RGS6: variants seen among roughly 807,000 people sequenced by gnomAD.
RGS6 encodes regulator of G protein signaling 6.
A neutral mutation model predicts 78.5 loss-of-function variants in RGS6; 30 were observed. The observed-to-expected ratio is 0.38, with a 90% CI of 0.29 to 0.52. RGS6 has a LOEUF of 0.52. Ranked by LOEUF, RGS6 falls within the 20% of genes least tolerant of loss-of-function variation. The pLI, the probability that RGS6 is intolerant of heterozygous loss-of-function variation, is 0.85. For synonymous variants in RGS6, 206 were observed against 206.0 expected (o/e 1.00, Z 0.00); for missense variants, 495 against 609.7 (o/e 0.81, Z 1.98).
Position 72,562,698 on chromosome 14 carries a change from C to T in RGS6, c.*231C>T. On this transcript the variant is annotated 3_prime_UTR_variant, in exon 18 of 18. Coordinates refer to ENST00000553525, the MANE Select transcript of RGS6 (RefSeq NM_001204424.2). The stretch of plus-strand genomic sequence containing the variant: ...CCGGTGGAGGCTCCTGTTTACAGCC[C>T]TCTCTTCTTTGTACAGTTGTATTCC... 1 of 1,536,174 alleles carries T rather than the reference C, an allele frequency of 6.5e-7. No individual in the cohort carries two copies. Among genetic ancestry groups the T allele is most frequent in the Non-Finnish European group, 8.7e-7 (1 of 1,146,918 alleles).
At chr14:72,304,741 T>TG (rs2066857544) in intron 2 of RGS6, among the ~76,000 whole-genome samples, 1 of 151,912 alleles carries the variant, frequency 6.6e-6, no homozygotes, top group Non-Finnish European at 1.5e-5. Flanking sequence ...TAGCTGGGCG[T>TG]GGTGGCATGT....
chr14:72,200,961 TAAAAAAAAAAAAA>T (rs10577203), intron 2 of RGS6, among the ~76,000 whole-genome samples: 88 of 121,582 alleles, frequency 7.2e-4, no homozygotes, highest in Middle Eastern at 3.9e-3. Flanking sequence ...GTGCTCTGCT[TAAAAAAAAAAAAA>T]AAAAAAAAAA....
chr14:72,205,999 A>G (rs918055295), intron 2 of RGS6, among the ~76,000 whole-genome samples: 2 of 152,186 alleles, frequency 1.3e-5, no homozygotes, highest in Non-Finnish European at 2.9e-5. Context: ...TGGCCCAGCA[A>G]CTCTACTTCT....
intron 3 of RGS6, among the ~76,000 whole-genome samples, chr14:72,438,021 G>C (rs1809152001): frequency 1.3e-5 from 2 of 152,184 alleles, no homozygotes; most frequent in Non-Finnish European, 2.9e-5. Context: ...GTGGTGGTCG[G>C]TGTAGATTTT....
At chr14:72,036,572 A>T (rs974510286) in intron 2 of RGS6, among the ~76,000 whole-genome samples, 2 of 152,130 alleles carry the variant, frequency 1.3e-5, no homozygotes, top group Non-Finnish European at 2.9e-5. Flanking sequence ...TCAAATGGCC[A>T]ATGATGCTGA....
chr14:72,515,063 G>A (rs529724789), intron 14 of RGS6, among the ~76,000 whole-genome samples: 2 of 152,298 alleles, frequency 1.3e-5, no homozygotes, highest in African/African-American at 4.8e-5. Context: ...AACACATACG[G>A]GATGTCAGGA....
At chr14:72,214,160 A>G (rs1365446196) in intron 2 of RGS6, among the ~76,000 whole-genome samples, 1 of 150,592 alleles carries the variant, frequency 6.6e-6, no homozygotes, top group East Asian at 2.0e-4. Flanking sequence ...AAAAAAAACT[A>G]CACTGTTTAT....
intron 2 of RGS6, among the ~76,000 whole-genome samples, chr14:72,100,323 G>GGT (rs1298205999): frequency 1.3e-5 from 2 of 152,008 alleles, no homozygotes; most frequent in Non-Finnish European, 2.9e-5. Context: ...TGGCCAACAT[G>GGT]GTGAAACCTC....
downstream of RGS6, among the ~76,000 whole-genome samples, chr14:72,568,289 G>C (rs1213209333): frequency 6.6e-6 from 1 of 152,216 alleles, no homozygotes; most frequent in East Asian, 1.9e-4. Context: ...AATTAATCTA[G>C]AGGGCTTAGC....
intron 2 of RGS6, among the ~76,000 whole-genome samples, chr14:72,284,692 T>C (rs546773800): frequency 6.6e-6 from 1 of 152,256 alleles, no homozygotes; most frequent in South Asian, 2.1e-4. Flanking sequence ...GGGCACTGCC[T>C]AGGGAAGTTG....
rs530700352 is a variant in RGS6 at position 72,060,235 on chromosome 14, A to G, written c.84+95360A>G. On this transcript the variant is annotated intron_variant, in intron 2 of 17. Transcript: ENST00000553525. ...TAATGTTCACAGGTTTTTATAGAAC[A>G]TTAAAGCTCTGTAATAGTTATTTTG... 1.4e-3 allele frequency among the ~76,000 whole-genome samples: 216 copies of G among 152,328 alleles called. 1 individual carries two copies. Among genetic ancestry groups the G allele is most frequent in the African/African-American group, 5.1e-3 (211 of 41,580 alleles).
intron 3 of RGS6, among the ~76,000 whole-genome samples, chr14:72,403,217 A>G (rs2092627677): frequency 6.6e-6 from 1 of 152,238 alleles, no homozygotes; most frequent in Non-Finnish European, 1.5e-5. Context: ...CCATCGACAG[A>G]TGAATGGATA....
chr14:71,963,932 A>G lies in RGS6; in HGVS notation c.-20-840A>G, dbSNP rs143397504. Among the ~76,000 whole-genome samples, 4 of 152,280 alleles carry G rather than the reference A, an allele frequency of 2.6e-5. No homozygotes were observed. The East Asian group carries it at 7.7e-4, about 29-fold the overall frequency. ...CTGTGTTCAACTTTTTTGAGGAAAC[A>G]CTAAGCTGTTTTCAGCAGTGACTGT... On this transcript the variant is annotated intron_variant, in intron 1 of 17. Coordinates refer to ENST00000553525, the MANE Select transcript of RGS6 (RefSeq NM_001204424.2).
intron 13 of RGS6, among the ~76,000 whole-genome samples, chr14:72,495,875 C>T (rs2096638084): frequency 6.6e-6 from 1 of 152,160 alleles, no homozygotes; most frequent in Non-Finnish European, 1.5e-5. Flanking sequence ...ACTGTGTTTA[C>T]TTAAGAGGGG....
chr14:72,361,439 A>C (rs1305302124), intron 3 of RGS6, among the ~76,000 whole-genome samples: 1 of 152,200 alleles, frequency 6.6e-6, no homozygotes, highest in Non-Finnish European at 1.5e-5. Flanking sequence ...GTGGCAAAGA[A>C]ATTTTGGAGT....
chr14:72,275,795 G>T (rs548341542), intron 2 of RGS6, among the ~76,000 whole-genome samples: 1 of 152,158 alleles, frequency 6.6e-6, no homozygotes, highest in Non-Finnish European at 1.5e-5. Context: ...TATATGTAAG[G>T]AACATATTGG....
At chr14:72,582,821 G>A in the RGS6 span, among the ~76,000 whole-genome samples, 3 of 152,094 alleles carry the variant, frequency 2.0e-5, no homozygotes, top group Non-Finnish European at 4.4e-5. Context: ...ATGGTGTGAT[G>A]ATTGATTTTA....
chr14:72,194,781 C>T (rs1255975380), intron 2 of RGS6, among the ~76,000 whole-genome samples: 1 of 152,142 alleles, frequency 6.6e-6, no homozygotes, highest in Non-Finnish European at 1.5e-5. Flanking sequence ...AGAAGAGGGA[C>T]CCTGGGGCAG....
intron 2 of RGS6, among the ~76,000 whole-genome samples, chr14:72,017,552 T>A (rs966646460): frequency 6.6e-6 from 1 of 152,220 alleles, no homozygotes; most frequent in Non-Finnish European, 1.5e-5. Context: ...AGTTGAATAG[T>A]TGCAACAGAG....
Sources: allele counts gnomAD v4.1 joint callset (sites outside exome capture counted in the v4.1 genomes callset), GRCh38; gene constraint gnomAD v4.1.1; transcripts MANE v1.5; gene names NCBI Gene and HGNC (gene_info 2026-07-23, HGNC 2026-07-21).